The following MAN1B1 variants were observed in gnomAD, a reference collection of about 807,000 sequenced individuals.
MAN1B1 encodes endoplasmic reticulum mannosyl-oligosaccharide 1,2-alpha-mannosidase.
Under a neutral mutation model 75.5 loss-of-function variants are expected in MAN1B1, and 66 were observed. That is an observed-to-expected ratio of 0.87 (90% confidence interval 0.72 to 1.07). The LOEUF is 1.07. Ranked by LOEUF, MAN1B1 falls within the 50% of genes least tolerant of loss-of-function variation. The pLI is 0.00. For synonymous variants in MAN1B1, 453 were observed against 382.8 expected, an observed-to-expected ratio of 1.18 and a Z score of -2.14; for missense variants, 973 against 912.5, an observed-to-expected ratio of 1.07 and a Z score of -0.85.
Position 137,094,014 on chromosome 9 carries a change from G to A in MAN1B1, c.466-2223G>A, listed in dbSNP as rs150119317. 9.1e-3 allele frequency among the ~76,000 whole-genome samples: 1,340 copies of A among 147,886 alleles called. 11 individuals are homozygous for A. Among genetic ancestry groups the A allele is most frequent in the African/African-American group, 0.025 (953 of 38,772 alleles). On this transcript the variant is annotated intron_variant, in intron 3 of 12. Coordinates refer to ENST00000371589, the MANE Select transcript of MAN1B1 (RefSeq NM_016219.5). Reference sequence around the variant, plus strand: ...ATAAAACTGTGATCATTGAACCCATGGTGATTTTTTTTTTTTTTGAGACAG... The same window carrying A: ...ATAAAACTGTGATCATTGAACCCATAGTGATTTTTTTTTTTTTTGAGACAG...
intron 5 of MAN1B1, among the ~76,000 whole-genome samples, chr9:137,098,607 AG>A (rs1337953626): frequency 6.6e-6 from 1 of 152,170 alleles, no homozygotes; most frequent in Non-Finnish European, 1.5e-5. Context: ...ATGAGGGCAG[AG>A]GCAGAGGCAG....
chr9:137,087,948 A>G (rs1830417596), intron 1 of MAN1B1, 127 bp from the exon 2 acceptor site: 3 of 855,552 alleles, frequency 3.5e-6, no homozygotes, highest in South Asian at 2.9e-5. Flanking sequence ...TTTCCAAAAA[A>G]AAAAAGAAAT....
chr9:137,098,311 G>A (rs1020954508), intron 5 of MAN1B1, among the ~76,000 whole-genome samples: 3 of 152,202 alleles, frequency 2.0e-5, no homozygotes, highest in Admixed American at 6.5e-5. Context: ...TCCCAGGTGC[G>A]GGCCTTCGGC....
intron 4 of MAN1B1, among the ~76,000 whole-genome samples, chr9:137,097,398 C>T (rs1045297221): frequency 3.3e-5 from 5 of 152,220 alleles, no homozygotes; most frequent in African/African-American, 1.2e-4. Context: ...TTGGACAGAA[C>T]TCGATGGGGA....
intron 4 of MAN1B1, among the ~76,000 whole-genome samples, chr9:137,096,627 T>C (rs1269278524): frequency 6.6e-6 from 1 of 152,166 alleles, no homozygotes; most frequent in Non-Finnish European, 1.5e-5. Context: ...TCAGAATGTT[T>C]TGTGTGCGTG....
chr9:137,103,879 T>G (rs1312694817), intron 8 of MAN1B1: 3 of 454,960 alleles, frequency 6.6e-6, no homozygotes, highest in African/African-American at 6.1e-5. Flanking sequence ...GTCAGTGGTG[T>G]TACACACATT....
rs116022041 is a variant in MAN1B1, at chr9:137,108,246, G to T, written c.1897-142G>T. Reference sequence around the variant, plus strand: ...GGTGGAACCACACGGCTCGCCTGGGGGTGGCCATCATCCAGGCGCCCTCCA... The same window carrying T: ...GGTGGAACCACACGGCTCGCCTGGGTGTGGCCATCATCCAGGCGCCCTCCA... On this transcript the variant is annotated intron_variant, in intron 12 of 12. Transcript: ENST00000371589. 1,443 of 739,280 alleles carry T rather than the reference G, an allele frequency of 2.0e-3. 20 individuals are homozygous for T. The African/African-American group carries it at 0.023, about 12-fold the overall frequency. 45.8% of individuals were successfully genotyped at this position (739,280 alleles called of 1,614,324 possible). A position where few individuals can be genotyped will look rare whatever the true frequency, so the allele number is the denominator to read the frequency against.
At chr9:137,097,783 C>T (rs1349332127) in intron 4 of MAN1B1, 45 bp from the exon 5 acceptor site, 1 of 1,423,054 alleles carries the variant, frequency 7.0e-7, no homozygotes, top group Admixed American at 2.0e-5. Flanking sequence ...AACATGGAGC[C>T]ACAAATGTTT....
At chr9:137,102,442 G>A (rs1830877075) in intron 8 of MAN1B1, 1 of 374,576 alleles carries the variant, frequency 2.7e-6, no homozygotes, top group Non-Finnish European at 5.0e-6. Context: ...CATTCACACT[G>A]TTGCAGGCGT....
Position 137,106,785 on chromosome 9 carries a change from C to T in MAN1B1, c.1542C>T (p.Ala514=), listed in dbSNP as rs902979978. 9 of 1,613,404 alleles carry T rather than the reference C, an allele frequency of 5.6e-6. No individual in the cohort carries two copies. The highest frequency in any genetic ancestry group is 1.7e-4 in the Middle Eastern group (1 of 6,058). ...AGCTCACCTTTGTGGGGGAGCTTGC[C>T]CACGGCCGCTTCAGTGCCAAGATGG... ...PSKLTFVGEL[A]HGRFSAKMDH... is the part of the protein sequence containing the mutation. Residue 514 remains alanine, a synonymous_variant, in exon 10 of 13, where the codon GCC becomes GCT. Coordinates refer to ENST00000371589, the MANE Select transcript of MAN1B1 (RefSeq NM_016219.5).
chr9:137,097,764 G>C, intron 4 of MAN1B1, 64 bp from the exon 5 acceptor site: 1 of 1,273,754 alleles, frequency 7.9e-7, no homozygotes. Context: ...ATGGAGCGTG[G>C]GGGTGGGAAA....
rs1015427784 is a variant in MAN1B1, at chr9:137,106,194, T to C, written c.1324T>C (p.Phe442Leu). 10 of 1,612,206 alleles carry C rather than the reference T, an allele frequency of 6.2e-6. No individual in the cohort carries two copies. Among genetic ancestry groups the C allele is most frequent in the Non-Finnish European group, 8.5e-6 (10 of 1,179,676 alleles). ...GAAGAAGGATGGGCTGGTGCCCATG[T>C]TCATCAATACCCACAGTGGCCTCTT... ...SGKKDGLVPMFINTHSGLFTH... is the reference protein window; with the variant it reads ...SGKKDGLVPMLINTHSGLFTH... The change falls in exon 9 of 13, where the codon TTC (phenylalanine) becomes CTC (leucine). Residue 442 changes from phenylalanine to leucine, a missense_variant. Phe to Leu is a conservative substitution (Grantham distance 22, BLOSUM62 0). Transcript: ENST00000371589.
Position 137,106,241 on chromosome 9 carries a change from G to C in MAN1B1, c.1371G>C (p.Thr457=). 6.3e-7 allele frequency: 1 copy of C among 1,597,284 alleles called. No homozygotes were observed. The highest frequency in any genetic ancestry group is 8.5e-7 in the Non-Finnish European group (1 of 1,172,352). The change falls in exon 9 of 13, where the codon ACG becomes ACC. Residue 457 remains threonine, a synonymous_variant. Coordinates refer to ENST00000371589, the MANE Select transcript of MAN1B1 (RefSeq NM_016219.5). ...SGLFTHLGVF[T]LGARADSYYE... is the part of the protein sequence containing the mutation. Reference sequence around the variant, plus strand: ...TCTTCACCCACCTGGGCGTATTCACGCTGGGCGCCAGGGCCGACAGCTACT... The same window carrying C: ...TCTTCACCCACCTGGGCGTATTCACCCTGGGCGCCAGGGCCGACAGCTACT...
chr9:137,092,274 C>A (rs1830536902), intron 3 of MAN1B1, among the ~76,000 whole-genome samples: 3 of 151,992 alleles, frequency 2.0e-5, no homozygotes, highest in Admixed American at 2.0e-4. Context: ...GGGAGGATCG[C>A]TTAAGCCAGG....
In MAN1B1 at chr9:137,101,562, G is replaced by A; in HGVS notation, c.1144G>A (p.Gly382Arg). ...TTACTCGGATGTGAACATCGGTACT[G>A]GAGTTGCCCACCCGCCACGGTGGAC... Reference protein sequence around the residue: ...IPYSDVNIGTGVAHPPRWTSD... With the variant: ...IPYSDVNIGTRVAHPPRWTSD... The change falls in exon 8 of 13, where the codon GGA becomes AGA. Residue 382 changes from glycine (G) to arginine (R), a missense_variant. Transcript: ENST00000371589. 6.2e-7 allele frequency: 1 copy of A among 1,613,874 alleles called. No individual in the cohort carries two copies. The highest frequency in any genetic ancestry group is 8.5e-7 in the Non-Finnish European group (1 of 1,180,042).
At chr9:137,087,934 CCT>C in intron 1 of MAN1B1, 139 bp from the exon 2 acceptor site, 1 of 751,330 alleles carries the variant, frequency 1.3e-6, no homozygotes, top group Non-Finnish European at 2.3e-6. Flanking sequence ...AGAATGAGAC[CCT>C]GTTTCCAAAA....
chr9:137,089,113 G>T, intron 3 of MAN1B1, 108 bp downstream of exon 3: 1 of 1,356,632 alleles, frequency 7.4e-7, no homozygotes, highest in East Asian at 2.3e-5. Flanking sequence ...ATTACCACGT[G>T]TTTACCTCTC....
chr9:137,108,331 G>A (rs964688618), intron 12 of MAN1B1, 57 bp from the exon 13 acceptor site: 11 of 1,452,928 alleles, frequency 7.6e-6, no homozygotes, highest in East Asian at 2.3e-5. Flanking sequence ...CGGTGATGAG[G>A]CTGAGGGGGG....
intron 8 of MAN1B1, chr9:137,104,922 A>T (rs567556310): frequency 1.4e-4 from 21 of 151,312 alleles, no homozygotes; most frequent in African/African-American, 4.9e-4. Flanking sequence ...CTGTGGCGCG[A>T]TCTCGGCTCA....
Sources: allele counts gnomAD v4.1 joint callset (sites outside exome capture counted in the v4.1 genomes callset), GRCh38; gene constraint gnomAD v4.1.1; transcripts MANE v1.5; gene names NCBI Gene and HGNC (gene_info 2026-07-23, HGNC 2026-07-21).